Variants in UNC13C observed in about 807,000 individuals in gnomAD.
UNC13C encodes unc-13 homolog C.
In UNC13C, 174 loss-of-function variants were observed where a neutral mutation model predicts 245.4. That is an observed-to-expected ratio of 0.71 (90% CI 0.63 to 0.80). The LOEUF (loss-of-function observed/expected upper bound fraction) is 0.80. Ranked by LOEUF, UNC13C falls within the 30% of genes least tolerant of loss-of-function variation. The pLI, the probability that UNC13C is intolerant of heterozygous loss-of-function variation, is 0.00. For missense variants in UNC13C, 2,829 were observed against 2,602.9 expected (o/e 1.09, Z -1.89); for synonymous variants, 992 against 895.1 (o/e 1.11, Z -1.93).
At chr15:54,596,907 C>T (rs996212123) in intron 30 of UNC13C, among the ~76,000 whole-genome samples, 7 of 152,168 alleles carry the variant, frequency 4.6e-5, no homozygotes, top group Non-Finnish European at 1.5e-5. Flanking sequence ...GTATAGCCTG[C>T]AGAACTGTGA....
At chr15:54,403,695 AAC>A (rs898239260) in intron 18 of UNC13C, among the ~76,000 whole-genome samples, 4 of 146,116 alleles carry the variant, frequency 2.7e-5, no homozygotes, top group African/African-American at 1.0e-4. Flanking sequence ...TAGACTGAGC[AAC>A]AGAGTGAGAA....
At position 54,227,808 on chromosome 15, in the gene UNC13C, G is replaced by A. The variant is rs372047624; in HGVS notation, c.3072-7222G>A. On this transcript the variant is annotated intron_variant, in intron 4 of 32. Coordinates refer to ENST00000260323, the MANE Select transcript of UNC13C (RefSeq NM_001080534.3). ...AATGTGCTGGGTCAGTCTTGAAGCC[G>A]GTATAGTACTGGGTCTTGCCCAAGG... is the stretch of plus-strand genomic sequence containing the variant. Among the ~76,000 whole-genome samples, 374 of 152,264 alleles carry A rather than the reference G, an allele frequency of 2.5e-3. 1 individual carries two copies. The highest frequency in any genetic ancestry group is 8.7e-3 in the African/African-American group (360 of 41,558).
At chr15:54,127,611 C>T (rs915816148) in intron 2 of UNC13C, among the ~76,000 whole-genome samples, 7 of 151,250 alleles carry the variant, frequency 4.6e-5, no homozygotes, top group East Asian at 3.9e-4. Context: ...ATGTACATGA[C>T]GGGTTAATGG....
At chr15:54,081,653 C>T (rs188774249) in intron 2 of UNC13C, among the ~76,000 whole-genome samples, 2 of 151,794 alleles carry the variant, frequency 1.3e-5, no homozygotes, top group Non-Finnish European at 2.9e-5. Context: ...GATCTTTCTT[C>T]ATCTCTTTAC....
chr15:54,265,597 T>C (rs1187469722), intron 10 of UNC13C, 101 bp downstream of exon 10: 2 of 912,194 alleles, frequency 2.2e-6, no homozygotes, highest in Non-Finnish European at 3.0e-6. Context: ...TTTTTAATAA[T>C]CTCTTACCCA....
chr15:54,153,729 T>C (rs900079844), intron 4 of UNC13C, among the ~76,000 whole-genome samples: 3 of 152,068 alleles, frequency 2.0e-5, no homozygotes, highest in Non-Finnish European at 4.4e-5. Flanking sequence ...GTAGATATAT[T>C]TCTAGATTTC....
the UNC13C span, among the ~76,000 whole-genome samples, chr15:53,926,331 G>A: frequency 1.3e-5 from 2 of 151,892 alleles, no homozygotes; most frequent in African/African-American, 4.8e-5. Context: ...ATGATCCTAG[G>A]GAAACCACTT....
chr15:54,331,850 C>T (rs998689375), intron 14 of UNC13C, among the ~76,000 whole-genome samples, 193 bp from the exon 15 acceptor site: 1 of 152,034 alleles, frequency 6.6e-6, no homozygotes, highest in African/African-American at 2.4e-5. Flanking sequence ...ATTGAAAAGA[C>T]CATGAATTTG....
At chr15:54,162,382 C>T (rs2033012177) in intron 4 of UNC13C, among the ~76,000 whole-genome samples, 1 of 152,068 alleles carries the variant, frequency 6.6e-6, no homozygotes, top group African/African-American at 2.4e-5. Context: ...ATAGACAGAC[C>T]AGAAGGCATT....
chr15:54,601,235 C>G (rs1009622256), intron 30 of UNC13C, among the ~76,000 whole-genome samples: 1 of 152,144 alleles, frequency 6.6e-6, no homozygotes, highest in Non-Finnish European at 1.5e-5. Flanking sequence ...TTTTGGTGAC[C>G]TATATACCAG....
intron 30 of UNC13C, among the ~76,000 whole-genome samples, chr15:54,570,659 A>T (rs1470265558): frequency 6.6e-6 from 1 of 152,236 alleles, no homozygotes; most frequent in Admixed American, 6.5e-5. Context: ...TGAGTAATAA[A>T]GTTAGCCAAC....
intron 10 of UNC13C, among the ~76,000 whole-genome samples, chr15:54,273,254 C>T (rs750793223): frequency 3.9e-5 from 6 of 152,144 alleles, no homozygotes; most frequent in South Asian, 2.1e-4. Flanking sequence ...AATGATTATG[C>T]TTGTTTATTC....
intron 17 of UNC13C, among the ~76,000 whole-genome samples, chr15:54,349,105 ATATT>A (rs2038924013): frequency 6.7e-6 from 1 of 148,228 alleles, no homozygotes; most frequent in African/African-American, 2.4e-5. Flanking sequence ...AATTTATAAA[ATATT>A]TATATTTTAT....
At chr15:54,216,349 G>A (rs2035038484) in intron 4 of UNC13C, among the ~76,000 whole-genome samples, 1 of 151,996 alleles carries the variant, frequency 6.6e-6, no homozygotes, top group African/African-American at 2.4e-5. Flanking sequence ...CTGTTATTTA[G>A]TATTTTAAAC....
At chr15:54,193,241 C>A (rs1010510466) in intron 4 of UNC13C, among the ~76,000 whole-genome samples, 1 of 152,096 alleles carries the variant, frequency 6.6e-6, no homozygotes, top group Non-Finnish European at 1.5e-5. Context: ...CGTTACATAT[C>A]TCCTTATGAA....
At chr15:53,855,714 A>C in the UNC13C span, among the ~76,000 whole-genome samples, 3 of 152,254 alleles carry the variant, frequency 2.0e-5, no homozygotes, top group Middle Eastern at 0.01. Context: ...AGGATAATTC[A>C]CCATCGATGT....
chr15:54,461,507 T>G (rs1380599103), intron 19 of UNC13C, among the ~76,000 whole-genome samples: 4 of 152,230 alleles, frequency 2.6e-5, no homozygotes, highest in African/African-American at 9.6e-5. Flanking sequence ...TTGATTTATA[T>G]ATGTGTGATG....
intron 30 of UNC13C, among the ~76,000 whole-genome samples, chr15:54,613,977 A>G (rs1900267718): frequency 6.6e-6 from 1 of 151,988 alleles, no homozygotes; most frequent in South Asian, 2.1e-4. Context: ...TAAGAACTCC[A>G]GCCCCATTTC....
intron 4 of UNC13C, among the ~76,000 whole-genome samples, chr15:54,204,539 C>A (rs1301314473): frequency 6.6e-6 from 1 of 151,934 alleles, no homozygotes; most frequent in Non-Finnish European, 1.5e-5. Context: ...GTATCAAATT[C>A]TCTCTCAATT....
Sources: allele counts gnomAD v4.1 joint callset (sites outside exome capture counted in the v4.1 genomes callset), GRCh38; gene constraint gnomAD v4.1.1; transcripts MANE v1.5; gene names NCBI Gene and HGNC (gene_info 2026-07-23, HGNC 2026-07-21).